ZNF705G: variants seen among roughly 807,000 people sequenced by gnomAD.
The protein encoded by ZNF705G is putative zinc finger protein 705G.
Under a neutral mutation model 19.6 loss-of-function variants are expected in ZNF705G, and 23 were observed. That is an observed-to-expected ratio of 1.17 (90% CI 0.84 to 1.66). ZNF705G has a LOEUF of 1.66. Among genes scored for constraint, ZNF705G ranks in the 40% most tolerant of loss-of-function variants. ZNF705G has a pLI of 0.00. For synonymous variants in ZNF705G, 146 were observed against 117.7 expected, an observed-to-expected ratio of 1.24 and a Z score of -1.56; for missense variants, 457 against 354.4, an observed-to-expected ratio of 1.29 and a Z score of -2.32.
chr8:7,357,815 C>T lies in ZNF705G; in HGVS notation c.*161G>A, dbSNP rs1279436024. The T allele has an allele frequency of 7.0e-6, 8 of 1,137,812 alleles. No individual in the cohort carries two copies. Among genetic ancestry groups the T allele is most frequent in the African/African-American group, 1.8e-5 (1 of 54,664 alleles). 70.5% of individuals were successfully genotyped at this position (1,137,812 alleles called of 1,614,324 possible). A position where few individuals can be genotyped will look rare whatever the true frequency, so the allele number is the denominator to read the frequency against. ...TCCACATTCCTTACCTTTGTCATTC[C>T]TAACACCGTGTCATCTAAAGTCAGA... is the stretch of plus-strand genomic sequence containing the variant. On this transcript the variant is annotated 3_prime_UTR_variant, in exon 7 of 7. Coordinates refer to ENST00000400156, the MANE Select transcript of ZNF705G (RefSeq NM_001164457.3).
rs1807231075 is a variant in ZNF705G, at chr8:7,376,056, C to G, written c.-72+5396G>C. The stretch of plus-strand genomic sequence containing the variant: ...GCTTGGGTACTACTATATGTAGTAG[C>G]TGACTACTTACAGATAAAAGGAAGA... On this transcript the variant is annotated intron_variant, in intron 2 of 6. Transcript: ENST00000400156. 2.2e-5 allele frequency among the ~76,000 whole-genome samples: 2 copies of G among 92,772 alleles called. 1 individual carries two copies. Among genetic ancestry groups the G allele is most frequent in the South Asian group, 7.3e-4 (2 of 2,732 alleles). The allele number at this position is 92,772 out of a possible 152,430, so 60.9% of individuals were successfully genotyped here. A position where few individuals can be genotyped will look rare whatever the true frequency, so the allele number is the denominator to read the frequency against.
rs1433094032 is a variant in ZNF705G at position 7,357,683 on chromosome 8, A to G, written c.*293T>C. 50 of 538,228 alleles carry G rather than the reference A, an allele frequency of 9.3e-5. 1 individual carries two copies. The highest frequency in any genetic ancestry group is 1.4e-4 in the Non-Finnish European group (42 of 310,380). The allele number at this position is 538,228 out of a possible 1,614,324, so 33.3% of individuals were successfully genotyped here. On this transcript the variant is annotated 3_prime_UTR_variant, in exon 7 of 7. Transcript: ENST00000400156. Reference sequence around the variant, plus strand: ...CTTCCATATGAATTTATTGATGTGGACTGAAGAATAAAGGTAACTGAAGTA... The same window carrying G: ...CTTCCATATGAATTTATTGATGTGGGCTGAAGAATAAAGGTAACTGAAGTA...
chr8:7,355,698 A>C lies in ZNF705G; in HGVS notation c.*2278T>G, dbSNP rs1038985021. 10 of 149,758 alleles carry C rather than the reference A, an allele frequency of 6.7e-5. No homozygotes were observed. Among genetic ancestry groups the C allele is most frequent in the Admixed American group, 1.3e-4 (2 of 15,246 alleles). The allele number at this position is 149,758 out of a possible 1,614,324, so 9.3% of individuals were successfully genotyped here. On this transcript the variant is annotated 3_prime_UTR_variant, in exon 7 of 7. Coordinates refer to ENST00000400156, the MANE Select transcript of ZNF705G (RefSeq NM_001164457.3). ...CCATGCATTTGTCAAATCCCATAGAATTTCACAGCACAAATAGTACATCTT... is the reference window on the plus strand; with the variant it reads ...CCATGCATTTGTCAAATCCCATAGACTTTCACAGCACAAATAGTACATCTT...
intron 2 of ZNF705G, among the ~76,000 whole-genome samples, chr8:7,379,422 T>C (rs1585429001): frequency 6.8e-6 from 1 of 147,386 alleles, no homozygotes; most frequent in East Asian, 1.9e-4. Flanking sequence ...TAGAATATTA[T>C]CCTCTCATTG....
chr8:7,366,406 G>A (rs1293659362), intron 2 of ZNF705G, among the ~76,000 whole-genome samples: 4 of 149,408 alleles, frequency 2.7e-5, no homozygotes, highest in Non-Finnish European at 5.9e-5. Flanking sequence ...TGTGTAACAG[G>A]AGAGAGGAAA....
At chr8:7,363,919 C>A (rs1242915874) in intron 2 of ZNF705G, among the ~76,000 whole-genome samples, 5 of 149,520 alleles carry the variant, frequency 3.3e-5, no homozygotes, top group Admixed American at 2.0e-4. Flanking sequence ...CCCTTAAAAT[C>A]TCCTGCATCA....
At chr8:7,369,322 G>A (rs1377202463) in intron 2 of ZNF705G, among the ~76,000 whole-genome samples, 1 of 149,498 alleles carries the variant, frequency 6.7e-6, no homozygotes, top group Non-Finnish European at 1.5e-5. Flanking sequence ...AAGTCTGCTG[G>A]GGTGGAGACT....
chr8:7,363,049 A>C (rs1159510792), intron 2 of ZNF705G, 32 bp from the exon 3 acceptor site: 2 of 1,582,642 alleles, frequency 1.3e-6, no homozygotes, highest in African/African-American at 1.4e-5. Context: ...GTGAGACACC[A>C]GTCTTGTGCA....
intron 4 of ZNF705G, among the ~76,000 whole-genome samples, chr8:7,360,615 C>A (rs1181055181): frequency 6.7e-6 from 1 of 149,356 alleles, no homozygotes; most frequent in Non-Finnish European, 1.5e-5. Context: ...AATACACAAT[C>A]TTTTCAGAAA....
At chr8:7,368,715 G>A (rs1806968733) in intron 2 of ZNF705G, among the ~76,000 whole-genome samples, 1 of 149,692 alleles carries the variant, frequency 6.7e-6, no homozygotes, top group Admixed American at 6.6e-5. Context: ...AAGGCCTGGA[G>A]GCCTAGGAGG....
intron 2 of ZNF705G, among the ~76,000 whole-genome samples, chr8:7,367,669 G>C (rs1282100174): frequency 4.0e-5 from 6 of 149,576 alleles, no homozygotes. Context: ...TGGACCTTCA[G>C]GCATCTGCTC....
At position 7,379,746 on chromosome 8, in the gene ZNF705G, C is replaced by T. The variant is rs192108510; in HGVS notation, c.-72+1706G>A. On this transcript the variant is annotated intron_variant, in intron 2 of 6. Transcript: ENST00000400156. ...CCAAGGGACAGTCTCTCAGCCCTCGCAGGCCCTGAGACTGCTATAGGGAGC... is the reference window on the plus strand; with the variant it reads ...CCAAGGGACAGTCTCTCAGCCCTCGTAGGCCCTGAGACTGCTATAGGGAGC... Among the ~76,000 whole-genome samples, 20 of 147,388 alleles carry T rather than the reference C, an allele frequency of 1.4e-4. No homozygotes were observed. In the East Asian group the frequency reaches 3.9e-3, roughly 28 times the overall value.
chr8:7,385,071 C>T (rs1161887078), intron 1 of ZNF705G, among the ~76,000 whole-genome samples: 3 of 147,412 alleles, frequency 2.0e-5, no homozygotes, highest in African/African-American at 8.1e-5. Context: ...TAAACTAGTT[C>T]TGTGTGTTTG....
At chr8:7,366,962 T>C (rs1248024828) in intron 2 of ZNF705G, among the ~76,000 whole-genome samples, 4 of 149,662 alleles carry the variant, frequency 2.7e-5, no homozygotes, top group East Asian at 1.9e-4. Flanking sequence ...TGCCATTTAG[T>C]TATTTAATTA....
At chr8:7,368,154 A>T (rs1412350773) in intron 2 of ZNF705G, among the ~76,000 whole-genome samples, 1 of 149,558 alleles carries the variant, frequency 6.7e-6, no homozygotes, top group South Asian at 2.1e-4. Flanking sequence ...CCCTGATTGC[A>T]CAGACACTGA....
intron 5 of ZNF705G, among the ~76,000 whole-genome samples, 196 bp downstream of exon 5, chr8:7,360,040 GA>G (rs1185777307): frequency 2.0e-5 from 3 of 148,548 alleles, no homozygotes; most frequent in African/African-American, 5.2e-5. Flanking sequence ...TGAAAGAAAA[GA>G]AAAAAAAGAG....
rs553098967 is a variant in ZNF705G at position 7,358,603 on chromosome 8, A to G, written c.319-43T>C. 408 of 1,603,714 alleles carry G rather than the reference A, an allele frequency of 2.5e-4. 11 individuals carry two copies. In the South Asian group the frequency reaches 3.5e-3, roughly 14 times the overall value. ...AAAGCTCTTAATGGTTTACCCACAT[A>G]TATCTATACATTCATTTCACTACCT... On this transcript the variant is annotated intron_variant, in intron 6 of 6. Transcript: ENST00000400156.
chr8:7,378,164 AG>A (rs1201302926), intron 2 of ZNF705G, among the ~76,000 whole-genome samples: 1 of 144,604 alleles, frequency 6.9e-6, no homozygotes, highest in Non-Finnish European at 1.5e-5. Context: ...CTTTTTTACT[AG>A]GAAAATGCGC....
At chr8:7,368,561 G>C (rs1202998993) in intron 2 of ZNF705G, among the ~76,000 whole-genome samples, 8 of 149,810 alleles carry the variant, frequency 5.3e-5, no homozygotes, top group East Asian at 1.9e-4. Flanking sequence ...TGTAGTACTT[G>C]TAAGACCACT....
Sources: gnomAD v4.1 joint callset for allele counts (sites outside exome capture counted in the v4.1 genomes callset) on GRCh38, gnomAD v4.1.1 for gene constraint, MANE v1.5 for transcripts, NCBI Gene and HGNC (gene_info 2026-07-23, HGNC 2026-07-21) for gene names.